Variants in ZNF398 observed in about 807,000 individuals in gnomAD.
ZNF398 encodes the protein zinc finger protein 398.
In ZNF398, 18 loss-of-function variants were observed where a neutral mutation model predicts 41.9. That is an observed-to-expected ratio of 0.43 (90% confidence interval 0.30 to 0.64). The LOEUF (loss-of-function observed/expected upper bound fraction) is 0.64, where lower values mean the gene tolerates loss of function less well. Among genes scored for constraint, ZNF398 ranks in the 30% least tolerant of loss-of-function variants. The pLI is 0.14. For synonymous variants in ZNF398, 260 were observed against 308.8 expected (o/e 0.84, Z 1.66); for missense variants, 669 against 822.8 (o/e 0.81, Z 2.29).
chr7:149,169,741 C>G (rs1198895864), intron 4 of ZNF398, among the ~76,000 whole-genome samples: 1 of 151,780 alleles, frequency 6.6e-6, no homozygotes, highest in African/African-American at 2.4e-5. Flanking sequence ...CCTGAGCCAC[C>G]ACACCCAACC....
upstream of ZNF398, among the ~76,000 whole-genome samples, chr7:149,146,757 G>A (rs1356427253): frequency 6.6e-6 from 1 of 152,064 alleles, no homozygotes; most frequent in African/African-American, 2.4e-5. Flanking sequence ...GGCAAAGGCA[G>A]GAGAATCGGT....
At chr7:149,169,877 G>T (rs1318938970) in intron 4 of ZNF398, among the ~76,000 whole-genome samples, 1 of 152,184 alleles carries the variant, frequency 6.6e-6, no homozygotes, top group African/African-American at 2.4e-5. Flanking sequence ...CTCACAGCAA[G>T]ATTTGTTAGA....
chr7:149,163,841 G>A (rs1475041998), intron 2 of ZNF398, among the ~76,000 whole-genome samples: 6 of 152,128 alleles, frequency 3.9e-5, no homozygotes, highest in African/African-American at 9.7e-5. Flanking sequence ...GAGTGGTGGC[G>A]GTGGCTCACG....
chr7:149,136,713 G>A (rs111350402), intron 2 of ZNF398, among the ~76,000 whole-genome samples: 3,337 of 148,684 alleles, frequency 0.022, 39 homozygotes, highest in Middle Eastern at 0.04. Context: ...GATTACAGGC[G>A]CCCGCCACCA....
At position 149,182,297 on chromosome 7, in the gene ZNF398, C is replaced by A. The variant is rs998548295; in HGVS notation, c.*2496C>A. 1 of 152,192 alleles carries A rather than the reference C, an allele frequency of 6.6e-6. No homozygotes were observed. 9.4% of individuals were successfully genotyped at this position (152,192 alleles called of 1,614,324 possible). ...CATCCCAGAGAGACGGAAGCAGGTG[C>A]GATACTAAGCCTCAGCCCAAGAATA... On this transcript the variant is annotated 3_prime_UTR_variant, in exon 6 of 6. Transcript: ENST00000475153.
At chr7:149,133,844 T>C (rs1248503742) in intron 2 of ZNF398, among the ~76,000 whole-genome samples, 1 of 145,990 alleles carries the variant, frequency 6.8e-6, no homozygotes, top group Middle Eastern at 3.5e-3. Flanking sequence ...CTCTGCCTCC[T>C]GCGTTCAAGC....
upstream of ZNF398, among the ~76,000 whole-genome samples, chr7:149,143,275 T>C (rs1826865371): frequency 6.6e-6 from 1 of 152,250 alleles, no homozygotes; most frequent in Non-Finnish European, 1.5e-5. Flanking sequence ...ATAAAGGCTT[T>C]AATTTTGTAA....
rs1439795123 is a variant in ZNF398, at chr7:149,147,777, C to G, written c.24+11C>G. ...GCGGCCCCGGCCCCGGTAAGGGCGGCCGCGCGCGAGTGTTGTGAGCCCCCG... is the reference window on the plus strand; with the variant it reads ...GCGGCCCCGGCCCCGGTAAGGGCGGGCGCGCGCGAGTGTTGTGAGCCCCCG... On this transcript the variant is annotated intron_variant, in intron 1 of 5. Coordinates refer to ENST00000475153, the MANE Select transcript of ZNF398 (RefSeq NM_170686.3). The surrounding 1 kb of genome is among the most constrained non-coding windows in gnomAD (Gnocchi z 5.6). 2.9e-5 allele frequency: 40 copies of G among 1,393,532 alleles called. No homozygotes were observed. Among genetic ancestry groups the G allele is most frequent in the Non-Finnish European group, 3.5e-5 (38 of 1,071,684 alleles). 86.3% of individuals were successfully genotyped at this position (1,393,532 alleles called of 1,614,324 possible). A position where few individuals can be genotyped will look rare whatever the true frequency, so the allele number is the denominator to read the frequency against.
upstream of ZNF398, among the ~76,000 whole-genome samples, chr7:149,146,266 G>A (rs1208882302): frequency 1.3e-5 from 2 of 151,978 alleles, no homozygotes; most frequent in Non-Finnish European, 2.9e-5. Flanking sequence ...TTGCTCAGAC[G>A]CAGCAAACCG....
At chr7:149,143,830 A>G (rs984562757), upstream of ZNF398, among the ~76,000 whole-genome samples, 2 of 151,116 alleles carry the variant, frequency 1.3e-5, no homozygotes, top group African/African-American at 4.9e-5. Context: ...CAAACAAACA[A>G]CCCCCCAAAA....
intron 1 of ZNF398, chr7:149,151,344 A>G: frequency 1.0e-6 from 1 of 1,001,198 alleles, no homozygotes; most frequent in Non-Finnish European, 1.3e-6. Flanking sequence ...AATTAGAGAA[A>G]AAAAGCCAGG....
intron 2 of ZNF398, among the ~76,000 whole-genome samples, chr7:149,159,486 A>T (rs1350020114): frequency 6.6e-6 from 1 of 151,440 alleles, no homozygotes; most frequent in Non-Finnish European, 1.5e-5. Flanking sequence ...CTCTACTAAA[A>T]ATACAAAAAA....
chr7:149,149,508 C>G (rs906419988), intron 1 of ZNF398, among the ~76,000 whole-genome samples: 3 of 152,064 alleles, frequency 2.0e-5, no homozygotes, highest in African/African-American at 4.8e-5. Context: ...GGATTACAGG[C>G]GTGAGCCACC....
Position 149,147,661 on chromosome 7 carries a change from C to T in ZNF398, c.-82C>T. On this transcript the variant is annotated 5_prime_UTR_variant, in exon 1 of 6. Transcript: ENST00000475153. The surrounding 1 kb of genome is among the most constrained non-coding windows in gnomAD (Gnocchi z 5.6). ...GCCGCCTGTGGAGAGGACCCGGCGGCCGGGCCTGCTTGGAGCCGGGCGCGG... is the reference window on the plus strand; with the variant it reads ...GCCGCCTGTGGAGAGGACCCGGCGGTCGGGCCTGCTTGGAGCCGGGCGCGG... The T allele has an allele frequency of 1.6e-6, 2 of 1,233,698 alleles. No homozygotes were observed. Among genetic ancestry groups the T allele is most frequent in the Non-Finnish European group, 2.0e-6 (2 of 987,954 alleles). The allele number at this position is 1,233,698 out of a possible 1,614,324, so 76.4% of individuals were successfully genotyped here.
At chr7:149,166,754 G>A in intron 3 of ZNF398, 63 bp from the exon 4 acceptor site, 1 of 1,161,034 alleles carries the variant, frequency 8.6e-7, no homozygotes, top group Non-Finnish European at 1.2e-6. Flanking sequence ...AGCCTTGATG[G>A]CAATTAGTTG....
At position 149,147,890 on chromosome 7, in the gene ZNF398, G is replaced by A; in HGVS notation, c.24+124G>A. Reference sequence around the variant, plus strand: ...TCGGGTCCCGCCGGCCACGTCGCCTGTCGCCCGTGCTTGGCGGCTGCAGCC... The same window carrying A: ...TCGGGTCCCGCCGGCCACGTCGCCTATCGCCCGTGCTTGGCGGCTGCAGCC... On this transcript the variant is annotated intron_variant, in intron 1 of 5. Transcript: ENST00000475153. This position sits in a 1 kb window ranked among gnomAD's most constrained non-coding sequence, Gnocchi z 5.6. 8.6e-7 allele frequency: 1 copy of A among 1,166,772 alleles called. No individual in the cohort carries two copies. Among genetic ancestry groups the A allele is most frequent in the Non-Finnish European group, 1.1e-6 (1 of 913,494 alleles). 72.3% of individuals were successfully genotyped at this position (1,166,772 alleles called of 1,614,324 possible). A position where few individuals can be genotyped will look rare whatever the true frequency, so the allele number is the denominator to read the frequency against.
chr7:149,170,966 C>T (rs1335154578), intron 4 of ZNF398, among the ~76,000 whole-genome samples: 1 of 149,590 alleles, frequency 6.7e-6, no homozygotes, highest in Non-Finnish European at 1.5e-5. Context: ...GCCTCAGCCT[C>T]CTGAGTAGCT....
rs1355592465 is a variant in ZNF398, at chr7:149,181,555, C to G, written c.*1754C>G. On this transcript the variant is annotated 3_prime_UTR_variant, in exon 6 of 6. Transcript: ENST00000475153. ...CTTCACTCTCTCTAGTTATGCATAACAACACTAGAAGAAGGTGTTAGCCCA... is the reference window on the plus strand; with the variant it reads ...CTTCACTCTCTCTAGTTATGCATAAGAACACTAGAAGAAGGTGTTAGCCCA... 3 of 152,178 alleles carry G rather than the reference C, an allele frequency of 2.0e-5. No homozygotes were observed. Among genetic ancestry groups the G allele is most frequent in the African/African-American group, 7.2e-5 (3 of 41,438 alleles). 9.4% of individuals were successfully genotyped at this position (152,178 alleles called of 1,614,324 possible). A position where few individuals can be genotyped will look rare whatever the true frequency, so the allele number is the denominator to read the frequency against.
intron 1 of ZNF398, among the ~76,000 whole-genome samples, chr7:149,127,764 GT>G (rs1826517244): frequency 6.6e-6 from 1 of 152,164 alleles, no homozygotes; most frequent in East Asian, 1.9e-4. Context: ...TTCTTTGGGT[GT>G]AAAGTTCTAT....
Sources: allele counts gnomAD v4.1 joint callset (sites outside exome capture counted in the v4.1 genomes callset), GRCh38; gene constraint gnomAD v4.1.1; non-coding constraint Gnocchi (gnomAD v3.1); transcripts MANE v1.5; gene names NCBI Gene and HGNC (gene_info 2026-07-23, HGNC 2026-07-21).